The following FBXO10 variants were observed in gnomAD, a reference collection of about 807,000 sequenced individuals.
The protein encoded by FBXO10 is F-box only protein 10.
Under a neutral mutation model 80.7 loss-of-function variants are expected in FBXO10, and 39 were observed. That is an observed-to-expected ratio of 0.48 (90% CI 0.37 to 0.63). FBXO10 has a LOEUF of 0.63. Among genes scored for constraint, FBXO10 ranks in the 30% least tolerant of loss-of-function variants. The pLI is 0.00. For synonymous variants in FBXO10, 449 were observed against 489.6 expected, an observed-to-expected ratio of 0.92 and a Z score of 1.09; for missense variants, 1,025 against 1,269.0, an observed-to-expected ratio of 0.81 and a Z score of 2.92.
intron 5 of FBXO10, 41 bp downstream of exon 5, chr9:37,529,083 G>A: frequency 1.2e-6 from 2 of 1,612,212 alleles, no homozygotes; most frequent in Non-Finnish European, 1.7e-6. Flanking sequence ...GAGACAGGGA[G>A]GAGGTTAACA....
chr9:37,556,382 T>C (rs1451137986), intron 1 of FBXO10, among the ~76,000 whole-genome samples: 1 of 152,136 alleles, frequency 6.6e-6, no homozygotes, highest in Non-Finnish European at 1.5e-5. Flanking sequence ...GTTAATTTCT[T>C]ATTGAAGTGT....
At chr9:37,513,630 C>A (rs967447685) in intron 10 of FBXO10, among the ~76,000 whole-genome samples, 31 of 152,008 alleles carry the variant, frequency 2.0e-4, no homozygotes, top group Admixed American at 5.2e-4. Flanking sequence ...TGCTCTGTTA[C>A]CCAGGCTGGA....
intron 8 of FBXO10, among the ~76,000 whole-genome samples, chr9:37,520,179 C>G (rs1173144804): frequency 6.6e-6 from 1 of 151,302 alleles, no homozygotes; most frequent in Non-Finnish European, 1.5e-5. Context: ...CCCGACCCAC[C>G]CATCCATCCT....
Position 37,568,183 on chromosome 9 carries a change from T to A in FBXO10, c.-7+8028A>T, listed in dbSNP as rs188495274. On this transcript the variant is annotated intron_variant, in intron 1 of 10. Coordinates refer to ENST00000432825, the MANE Select transcript of FBXO10 (RefSeq NM_012166.3). ...CTACAAGCAAACAAATCCTGACAGT[T>A]TTCTCAAGTAAATTATTATTATTAT... Among the ~76,000 whole-genome samples, 469 of 152,264 alleles carry A rather than the reference T, an allele frequency of 3.1e-3. 3 individuals are homozygous for A. The highest frequency in any genetic ancestry group is 6.8e-3 in the Middle Eastern group (2 of 294).
intron 1 of FBXO10, among the ~76,000 whole-genome samples, chr9:37,561,484 C>T (rs1305337951): frequency 6.6e-6 from 1 of 152,156 alleles, no homozygotes; most frequent in Non-Finnish European, 1.5e-5. Context: ...GGAGGCAAGT[C>T]CCATAAGACT....
intron 8 of FBXO10, among the ~76,000 whole-genome samples, chr9:37,519,131 G>C (rs1233959523): frequency 1.3e-5 from 2 of 152,166 alleles, no homozygotes; most frequent in South Asian, 2.1e-4. Context: ...GGATGGTCTC[G>C]ATCTCCTGAC....
chr9:37,566,072 G>A (rs1822597266), intron 1 of FBXO10, among the ~76,000 whole-genome samples: 1 of 152,146 alleles, frequency 6.6e-6, no homozygotes, highest in African/African-American at 2.4e-5. Context: ...ATGGGGAGCT[G>A]CCATGAGTCC....
chr9:37,572,341 A>G (rs891225473), intron 1 of FBXO10, among the ~76,000 whole-genome samples: 1 of 152,230 alleles, frequency 6.6e-6, no homozygotes, highest in Non-Finnish European at 1.5e-5. Context: ...GTACTCTAAC[A>G]TATATAACCT....
intron 1 of FBXO10, among the ~76,000 whole-genome samples, chr9:37,553,012 TTGTGTGTG>T (rs74171513): frequency 0.16 from 23,343 of 144,374 alleles, 1,867 homozygotes; most frequent in Middle Eastern, 0.24. Context: ...CCAATTCAGG[TTGTGTGTG>T]TGTGTGTGTG....
Position 37,529,262 on chromosome 9 carries a change from T to A in FBXO10, c.1570-2A>T. On this transcript the variant is annotated splice_acceptor_variant, in intron 4 of 10. Transcript: ENST00000432825. LOFTEE classifies it high-confidence loss of function. ...AAGGCCATGGTGGATCTGGTTACAC[T>A]GCAAGTGAAAATGAGACACCACAGA... 6.2e-7 allele frequency: 1 copy of A among 1,603,110 alleles called. No individual in the cohort carries two copies. The highest frequency in any genetic ancestry group is 8.5e-7 in the Non-Finnish European group (1 of 1,174,868).
At chr9:37,542,386 G>A (rs1269566302) in intron 1 of FBXO10, among the ~76,000 whole-genome samples, 3 of 151,626 alleles carry the variant, frequency 2.0e-5, no homozygotes, top group East Asian at 3.9e-4. Context: ...ACCTGAGGTT[G>A]GGAGTTCAAG....
intron 1 of FBXO10, among the ~76,000 whole-genome samples, chr9:37,569,505 G>A (rs1209026037): frequency 1.3e-5 from 2 of 149,582 alleles, no homozygotes; most frequent in Non-Finnish European, 1.5e-5. Context: ...ACCCAGTAAG[G>A]ATAAAGAAGA....
rs1281292645 is a variant in FBXO10, at chr9:37,554,244, T to C, written c.-6-12470A>G. On this transcript the variant is annotated intron_variant, in intron 1 of 10. Transcript: ENST00000432825. ...AATTCTCCCTCCTCTCTCCTGTCCC[T>C]AACCACTGGCAACCATTAATCTGTC... 2.0e-5 allele frequency among the ~76,000 whole-genome samples: 3 copies of C among 152,234 alleles called. No individual in the cohort carries two copies. In the East Asian group the frequency reaches 5.8e-4, roughly 29 times the overall value.
At chr9:37,535,174 C>A (rs117335822) in intron 3 of FBXO10, among the ~76,000 whole-genome samples, 1 of 152,130 alleles carries the variant, frequency 6.6e-6, no homozygotes, top group Non-Finnish European at 1.5e-5. Flanking sequence ...ATAATTCAAA[C>A]GGGCTCAGCT....
chr9:37,553,328 C>G (rs954863283), intron 1 of FBXO10, among the ~76,000 whole-genome samples: 1 of 152,060 alleles, frequency 6.6e-6, no homozygotes. Context: ...CGTGAGCCAC[C>G]GCGCCCGGCC....
At chr9:37,544,497 T>C (rs1048638133) in intron 1 of FBXO10, among the ~76,000 whole-genome samples, 23 of 152,204 alleles carry the variant, frequency 1.5e-4, no homozygotes, top group African/African-American at 5.3e-4. Context: ...CTCTAGAGCC[T>C]TGGGTATCCT....
Position 37,541,290 on chromosome 9 carries a change from T to C in FBXO10, c.479A>G (p.Lys160Arg). The C allele has an allele frequency of 6.2e-7, 1 of 1,613,958 alleles. No individual in the cohort carries two copies. Among genetic ancestry groups the C allele is most frequent in the Non-Finnish European group, 8.5e-7 (1 of 1,179,866 alleles). ...KVPVEIVGQG[K>R]LGEVALLASI... Reference sequence around the variant, plus strand: ...GGCCAGCAGGGCCACTTCACCCAACTTCCCCTGCCCTACAATCTCCACAGG... The same window carrying C: ...GGCCAGCAGGGCCACTTCACCCAACCTCCCCTGCCCTACAATCTCCACAGG... The change falls in exon 2 of 11, where the codon AAG becomes AGG. Residue 160 changes from lysine to arginine, a missense_variant. By Grantham distance (26) the Lys-to-Arg change is conservative (BLOSUM62 2). Coordinates refer to ENST00000432825, the MANE Select transcript of FBXO10 (RefSeq NM_012166.3).
At chr9:37,529,407 A>G in intron 4 of FBXO10, 147 bp from the exon 5 acceptor site, 1 of 823,562 alleles carries the variant, frequency 1.2e-6, no homozygotes, top group Non-Finnish European at 1.9e-6. Context: ...GACAAAGGGA[A>G]TGGGTCACAC....
rs577721987 is a variant in FBXO10 at position 37,510,983 on chromosome 9, G to A, written c.*1564C>T. The A allele has an allele frequency of 5.2e-5, 8 of 152,720 alleles. No individual in the cohort carries two copies. Among genetic ancestry groups the A allele is most frequent in the African/African-American group, 1.7e-4 (7 of 41,544 alleles). The allele number at this position is 152,720 out of a possible 1,614,324, so 9.5% of individuals were successfully genotyped here. On this transcript the variant is annotated 3_prime_UTR_variant, in exon 11 of 11. Transcript: ENST00000432825. ...AAGTCATTTCTTAGAAAATAGTAAC[G>A]GCAGCATTTTTTACAGCGACTCACA...
Sources: gnomAD v4.1 joint callset for allele counts (sites outside exome capture counted in the v4.1 genomes callset) on GRCh38, gnomAD v4.1.1 for gene constraint, MANE v1.5 for transcripts, NCBI Gene and HGNC (gene_info 2026-07-23, HGNC 2026-07-21) for gene names.